PSMA5: variants seen among roughly 807,000 people sequenced by gnomAD.
The protein encoded by PSMA5 is proteasome 20S subunit alpha 5, also known as proteasome subunit alpha type-5.
PSMA5 carries 3 observed loss-of-function variants against 34.5 expected under a neutral mutation model. The ratio of observed to expected loss-of-function variants is 0.09; its 90% CI spans 0.04 to 0.22. PSMA5 has a LOEUF of 0.22. Among genes scored for constraint, PSMA5 ranks in the 10% least tolerant of loss-of-function variants. The probability of loss-of-function intolerance (pLI) is 1.00; values close to 1 mark genes in which losing one functional copy is unlikely to be tolerated. For synonymous variants in PSMA5, 88 were observed against 95.8 expected (o/e 0.92, Z 0.47); for missense variants, 120 against 286.1 (o/e 0.42, Z 4.19).
chr1:109,425,386 C>A (rs1002352981), intron 1 of PSMA5: 1 of 152,146 alleles, frequency 6.6e-6, no homozygotes, highest in African/African-American at 2.4e-5. Flanking sequence ...AGTTAAATAT[C>A]GACCAACAAA....
chr1:109,405,718 G>T (rs1408407490), intron 8 of PSMA5, among the ~76,000 whole-genome samples: 2 of 152,188 alleles, frequency 1.3e-5, no homozygotes, highest in Non-Finnish European at 2.9e-5. Flanking sequence ...GGGATTACAG[G>T]TGTGAGCCAC....
chr1:109,406,400 A>G (rs1653764043), intron 8 of PSMA5, among the ~76,000 whole-genome samples: 2 of 152,226 alleles, frequency 1.3e-5, no homozygotes, highest in South Asian at 4.1e-4. Flanking sequence ...GAATCTCAAA[A>G]TCATGCCAAG....
rs1654667626 is a variant in PSMA5 at position 109,426,399 on chromosome 1, A to G, written c.-69T>C. On this transcript the variant is annotated 5_prime_UTR_variant, in exon 1 of 9. Transcript: ENST00000271308. ...ACCAACACGACTCCACCGGCACCCAACTCACCGGCAGCCAACTCACCCACA... is the reference window on the plus strand; with the variant it reads ...ACCAACACGACTCCACCGGCACCCAGCTCACCGGCAGCCAACTCACCCACA... 1.3e-6 allele frequency: 2 copies of G among 1,590,844 alleles called. No homozygotes were observed. Among genetic ancestry groups the G allele is most frequent in the Non-Finnish European group, 1.7e-6 (2 of 1,159,306 alleles).
rs1198428757 is a variant in PSMA5 at position 109,400,139 on chromosome 1, C to A, written c.*1874G>T. 6.6e-6 allele frequency: 1 copy of A among 152,030 alleles called. No homozygotes were observed. The highest frequency in any genetic ancestry group is 2.4e-5 in the African/African-American group (1 of 41,364). The allele number at this position is 152,030 out of a possible 1,614,324, so 9.4% of individuals were successfully genotyped here. Reference sequence around the variant, plus strand: ...ACCAGGTAAAACACAAATATGCTGCCCAGCCAGTGGGAGGGAAAACAACTT... The same window carrying A: ...ACCAGGTAAAACACAAATATGCTGCACAGCCAGTGGGAGGGAAAACAACTT... On this transcript the variant is annotated 3_prime_UTR_variant, in exon 9 of 9. Coordinates refer to ENST00000271308, the MANE Select transcript of PSMA5 (RefSeq NM_002790.4).
chr1:109,406,650 C>T (rs1557839135), intron 8 of PSMA5, among the ~76,000 whole-genome samples: 1 of 152,182 alleles, frequency 6.6e-6, no homozygotes, highest in Non-Finnish European at 1.5e-5. Context: ...CTAGGCAATA[C>T]AGCCAGACCT....
At chr1:109,409,884 TAA>T in intron 8 of PSMA5, 42 bp downstream of exon 8, 4 of 1,219,294 alleles carry the variant, frequency 3.3e-6, no homozygotes, top group Non-Finnish European at 3.4e-6. Flanking sequence ...CCTCATCTCT[TAA>T]AAAAAAAACC....
At position 109,401,267 on chromosome 1, in the gene PSMA5, A is replaced by G. The variant is rs745641441; in HGVS notation, c.*746T>C. On this transcript the variant is annotated 3_prime_UTR_variant, in exon 9 of 9. Transcript: ENST00000271308. The stretch of plus-strand genomic sequence containing the variant: ...TCATTAATTTAATTCTTAGTCCTTC[A>G]CTTCGTAAACAAGGAAATCTCTTTC... 1.3e-5 allele frequency: 2 copies of G among 152,212 alleles called. No individual in the cohort carries two copies. Among genetic ancestry groups the G allele is most frequent in the Non-Finnish European group, 2.9e-5 (2 of 68,038 alleles). The allele number at this position is 152,212 out of a possible 1,614,324, so 9.4% of individuals were successfully genotyped here.
chr1:109,402,016 A>G lies in PSMA5; in HGVS notation c.723T>C (p.Ile241=). The G allele has an allele frequency of 6.2e-7, 1 of 1,606,586 alleles. No homozygotes were observed. The highest frequency in any genetic ancestry group is 8.5e-7 in the Non-Finnish European group (1 of 1,174,220). Residue 241 remains isoleucine, a synonymous_variant, in exon 9 of 9, where the codon ATT becomes ATC. Coordinates refer to ENST00000271308, the MANE Select transcript of PSMA5 (RefSeq NM_002790.4). ...AAGTTCTGAGGATCAGGATTCCTTAAATGTCCTTGATAACCTCTTCAAGTT... is the reference window on the plus strand; with the variant it reads ...AAGTTCTGAGGATCAGGATTCCTTAGATGTCCTTGATAACCTCTTCAAGTT... ...KEELEEVIKD[I]
At chr1:109,406,703 A>G (rs1653776234) in intron 8 of PSMA5, among the ~76,000 whole-genome samples, 3 of 152,194 alleles carry the variant, frequency 2.0e-5, no homozygotes, top group Admixed American at 2.0e-4. Flanking sequence ...ATGAAATTCT[A>G]GAACACAAAA....
At chr1:109,403,272 A>G (rs1241478957) in intron 8 of PSMA5, among the ~76,000 whole-genome samples, 2 of 152,176 alleles carry the variant, frequency 1.3e-5, no homozygotes, top group Non-Finnish European at 2.9e-5. Flanking sequence ...CATTTGCCTC[A>G]AAAGATTTGT....
chr1:109,409,184 T>C (rs1557840194), intron 8 of PSMA5, among the ~76,000 whole-genome samples: 2 of 152,166 alleles, frequency 1.3e-5, no homozygotes, highest in African/African-American at 4.8e-5. Context: ...TGAGACAGAG[T>C]CTCGCTCTAT....
At chr1:109,410,278 G>A (rs1653939537) in intron 7 of PSMA5, among the ~76,000 whole-genome samples, 1 of 152,188 alleles carries the variant, frequency 6.6e-6, no homozygotes, top group East Asian at 1.9e-4. Flanking sequence ...AGGGGAAAGG[G>A]ATAGACTAGT....
In PSMA5 at chr1:109,409,923, A is replaced by G. The variant is rs12563094; in HGVS notation, c.648+5T>C. ...AAAAAAATCCAACAATAAAACAGAA[A>G]GTACCTCAATGTTTGTTGCATTCAG... On this transcript the variant is annotated splice_donor_5th_base_variant and intron_variant, in intron 8 of 8. Transcript: ENST00000271308. 1.2e-4 allele frequency: 193 copies of G among 1,580,732 alleles called. 2 individuals are homozygous for G. The East Asian group carries it at 2.0e-3, about 16-fold the overall frequency.
chr1:109,410,795 T>C lies in PSMA5; in HGVS notation c.561+216A>G, dbSNP rs560540759. Among the ~76,000 whole-genome samples, 5 of 152,150 alleles carry C rather than the reference T, an allele frequency of 3.3e-5. No homozygotes were observed. In the East Asian group the frequency reaches 7.7e-4, roughly 23 times the overall value. On this transcript the variant is annotated intron_variant, in intron 7 of 8. Transcript: ENST00000271308. ...AACAAAGCACAACAGACAAAACTAA[T>C]GGAGAGTGGTAAACATGGTGGTAAA... is the stretch of plus-strand genomic sequence containing the variant.
rs565246929 is a variant in PSMA5 at position 109,410,682 on chromosome 1, G to A, written c.561+329C>T. Among the ~76,000 whole-genome samples, 11 of 152,294 alleles carry A rather than the reference G, an allele frequency of 7.2e-5. No individual in the cohort carries two copies. The South Asian group carries it at 1.2e-3, about 17-fold the overall frequency. On this transcript the variant is annotated intron_variant, in intron 7 of 8. Coordinates refer to ENST00000271308, the MANE Select transcript of PSMA5 (RefSeq NM_002790.4). ...ATGGTATATTACTCAGCCATCAAAC[G>A]GAAATACTGGAACAACATGAATGGA...
intron 3 of PSMA5, among the ~76,000 whole-genome samples, chr1:109,414,576 CA>C (rs1654120869): frequency 6.6e-6 from 1 of 152,090 alleles, no homozygotes; most frequent in Non-Finnish European, 1.5e-5. Context: ...TTCAAAAGAC[CA>C]AGTGACTTGA....
In PSMA5 at chr1:109,421,444, C is replaced by A. The variant is rs556697793; in HGVS notation, c.96+416G>T. On this transcript the variant is annotated intron_variant, in intron 2 of 8. Coordinates refer to ENST00000271308, the MANE Select transcript of PSMA5 (RefSeq NM_002790.4). Reference sequence around the variant, plus strand: ...CGCCACTGAACTCCAGCCTGGGCAACTGAGAGAGACTCCATCTCAAAAAAA... The same window carrying A: ...CGCCACTGAACTCCAGCCTGGGCAAATGAGAGAGACTCCATCTCAAAAAAA... 3.5e-5 allele frequency among the ~76,000 whole-genome samples: 5 copies of A among 144,080 alleles called. No individual in the cohort carries two copies. In the East Asian group the frequency reaches 1.0e-3, roughly 29 times the overall value. The allele number at this position is 144,080 out of a possible 152,430, so 94.5% of individuals were successfully genotyped here.
At chr1:109,407,468 A>G (rs1653819222) in intron 8 of PSMA5, among the ~76,000 whole-genome samples, 1 of 152,076 alleles carries the variant, frequency 6.6e-6, no homozygotes, top group African/African-American at 2.4e-5. Flanking sequence ...TGAGACATTC[A>G]CCAACAATAC....
chr1:109,423,007 G>A (rs1274799753), intron 1 of PSMA5, among the ~76,000 whole-genome samples: 1 of 152,240 alleles, frequency 6.6e-6, no homozygotes, highest in African/African-American at 2.4e-5. Context: ...TCCCTACGGA[G>A]AAGAGGCACC....
Sources: allele counts gnomAD v4.1 joint callset (sites outside exome capture counted in the v4.1 genomes callset), GRCh38; gene constraint gnomAD v4.1.1; transcripts MANE v1.5; gene names NCBI Gene and HGNC (gene_info 2026-07-23, HGNC 2026-07-21).